The following SERPINB7 variants were observed in gnomAD, a reference collection of about 807,000 sequenced individuals.
SERPINB7 encodes serpin family B member 7.
A neutral mutation model predicts 37.4 loss-of-function variants in SERPINB7; 31 were observed. That is an observed-to-expected ratio of 0.83 (90% CI 0.62 to 1.12). The LOEUF (loss-of-function observed/expected upper bound fraction) is 1.12, where lower values mean the gene tolerates loss of function less well. SERPINB7 is among the 50% of genes most tolerant of loss of function. The pLI is 0.00. For synonymous variants in SERPINB7, 163 were observed against 166.1 expected (o/e 0.98, Z 0.14); for missense variants, 521 against 455.3 (o/e 1.14, Z -1.31).
chr18:63,798,747 G>T lies in SERPINB7; in HGVS notation c.597+1G>T, dbSNP rs2049516278. ...AAATTGCCATTTCAAATCTCCCAAG[G>T]TATGTCGTCAATCTCCTATTTAATT... On this transcript the variant is annotated splice_donor_variant, in intron 6 of 7. Coordinates refer to ENST00000398019, the MANE Select transcript of SERPINB7 (RefSeq NM_003784.4). LOFTEE classifies it high-confidence loss of function. 3 of 1,611,520 alleles carry T rather than the reference G, an allele frequency of 1.9e-6. No homozygotes were observed. Among genetic ancestry groups the T allele is most frequent in the Admixed American group, 1.7e-5 (1 of 59,486 alleles).
chr18:63,800,782 C>G, intron 6 of SERPINB7, 84 bp from the exon 7 acceptor site: 2 of 1,466,600 alleles, frequency 1.4e-6, no homozygotes, highest in Non-Finnish European at 1.8e-6. Flanking sequence ...ATTTATTGAC[C>G]AAGTACAATA....
intron 3 of SERPINB7, 62 bp downstream of exon 3, chr18:63,792,505 G>C: frequency 9.0e-7 from 1 of 1,117,068 alleles, no homozygotes. Context: ...GCTCAAGCCT[G>C]TAATACCAGA....
intron 1 of SERPINB7, among the ~76,000 whole-genome samples, chr18:63,760,645 C>G (rs527488512): frequency 1.3e-5 from 2 of 152,138 alleles, no homozygotes; most frequent in Non-Finnish European, 2.9e-5. Context: ...GCCCAGGGTC[C>G]TCGTATTGTG....
At chr18:63,783,232 GAGAAAGAAAGAAAGAAAGAA>G (rs761812129) in intron 2 of SERPINB7, among the ~76,000 whole-genome samples, 38 of 40,732 alleles carry the variant, frequency 9.3e-4, no homozygotes, top group Non-Finnish European at 1.1e-3. Flanking sequence ...GAGAGAGAGA[GAGAAAGAAAGAAAGAAAGAA>G]AGAAAGAAAG....
chr18:63,760,767 A>G (rs963494335), intron 1 of SERPINB7, among the ~76,000 whole-genome samples: 1 of 152,228 alleles, frequency 6.6e-6, no homozygotes, highest in African/African-American at 2.4e-5. Context: ...AAGCCTTGGC[A>G]GCTTCCATGT....
In SERPINB7 at chr18:63,804,710, A is replaced by G; in HGVS notation, c.*75A>G. 1 of 1,422,542 alleles carries G rather than the reference A, an allele frequency of 7.0e-7. No individual in the cohort carries two copies. The highest frequency in any genetic ancestry group is 9.5e-7 in the Non-Finnish European group (1 of 1,055,352). The allele number at this position is 1,422,542 out of a possible 1,614,324, so 88.1% of individuals were successfully genotyped here. A position where few individuals can be genotyped will look rare whatever the true frequency, so the allele number is the denominator to read the frequency against. On this transcript the variant is annotated 3_prime_UTR_variant, in exon 8 of 8. Coordinates refer to ENST00000398019, the MANE Select transcript of SERPINB7 (RefSeq NM_003784.4). ...CCACAAGTCAATAGATTTGAGTTTA[A>G]TTGGAAAAATGTGGTGTTTCCTTTG...
In SERPINB7 at chr18:63,758,476, T is replaced by C. The variant is rs563276351; in HGVS notation, c.-19+5356T>C. On this transcript the variant is annotated intron_variant, in intron 1 of 7. Transcript: ENST00000336429. Reference sequence around the variant, plus strand: ...GATGCTCTCTGATTCGCTGAAGCACTGGGAAATCTACCCACGTGTAGAAAC... The same window carrying C: ...GATGCTCTCTGATTCGCTGAAGCACCGGGAAATCTACCCACGTGTAGAAAC... Among the ~76,000 whole-genome samples, 7 of 152,318 alleles carry C rather than the reference T, an allele frequency of 4.6e-5. No homozygotes were observed. The East Asian group carries it at 1.3e-3, about 29-fold the overall frequency.
upstream of SERPINB7, among the ~76,000 whole-genome samples, chr18:63,770,471 C>T (rs8094082): frequency 0.031 from 4,751 of 151,836 alleles, 132 homozygotes; most frequent in African/African-American, 0.066. Flanking sequence ...GTGGAGTGTG[C>T]TTTTCATATC....
chr18:63,784,430 T>C (rs1226888092), intron 2 of SERPINB7, among the ~76,000 whole-genome samples: 1 of 152,212 alleles, frequency 6.6e-6, no homozygotes, highest in Non-Finnish European at 1.5e-5. Context: ...CAGTCTCCAG[T>C]TGAGAACTGC....
At chr18:63,795,589 A>G (rs955325484) in intron 4 of SERPINB7, among the ~76,000 whole-genome samples, 2 of 151,420 alleles carry the variant, frequency 1.3e-5, no homozygotes, top group African/African-American at 4.9e-5. Flanking sequence ...AAAAAAAAAA[A>G]AAAGAAAAGA....
intron 5 of SERPINB7, among the ~76,000 whole-genome samples, chr18:63,796,893 A>T (rs2049494346): frequency 6.6e-6 from 1 of 152,168 alleles, no homozygotes; most frequent in Non-Finnish European, 1.5e-5. Context: ...AAGCTATAAC[A>T]TTCTACTGTC....
intron 4 of SERPINB7, among the ~76,000 whole-genome samples, chr18:63,794,465 C>G (rs531693897): frequency 2.6e-5 from 4 of 151,776 alleles, no homozygotes; most frequent in Non-Finnish European, 4.4e-5. Flanking sequence ...CCGAGGCGGG[C>G]GGATCACAAG....
chr18:63,771,999 T>A, upstream of SERPINB7, among the ~76,000 whole-genome samples: 1 of 151,848 alleles, frequency 6.6e-6, no homozygotes, highest in East Asian at 1.9e-4. Flanking sequence ...CAGGAATACA[T>A]GTGCAGGTTT....
chr18:63,793,304 G>C, intron 4 of SERPINB7, 27 bp downstream of exon 4: 2 of 1,180,166 alleles, frequency 1.7e-6, no homozygotes, highest in Non-Finnish European at 1.2e-6. Context: ...TTGTTAGAAG[G>C]ACCTGAATCT....
At chr18:63,780,432 A>G (rs1430868146) in intron 1 of SERPINB7, among the ~76,000 whole-genome samples, 1 of 152,176 alleles carries the variant, frequency 6.6e-6, no homozygotes, top group Admixed American at 6.5e-5. Flanking sequence ...TGAATCCCTT[A>G]AACATTTGAG....
intron 6 of SERPINB7, among the ~76,000 whole-genome samples, chr18:63,799,305 T>A (rs1193803273): frequency 6.6e-6 from 1 of 152,234 alleles, no homozygotes; most frequent in East Asian, 1.9e-4. Context: ...AATCAATTTG[T>A]ACACAGTAAT....
chr18:63,777,256 T>C (rs1027026206), intron 1 of SERPINB7, among the ~76,000 whole-genome samples: 16 of 151,998 alleles, frequency 1.1e-4, no homozygotes, highest in Non-Finnish European at 1.2e-4. Context: ...GAATTTTTAT[T>C]TTATGGATGA....
At chr18:63,766,282 A>G (rs2049180266) in intron 1 of SERPINB7, among the ~76,000 whole-genome samples, 2 of 152,174 alleles carry the variant, frequency 1.3e-5, no homozygotes, top group South Asian at 2.1e-4. Flanking sequence ...TTTTCTTTCA[A>G]CTAAACAAAA....
intron 6 of SERPINB7, among the ~76,000 whole-genome samples, chr18:63,800,327 G>A (rs994033164): frequency 1.3e-5 from 2 of 151,994 alleles, no homozygotes; most frequent in Admixed American, 1.3e-4. Context: ...CTCCCAAAGT[G>A]CTGGGATTAC....
Sources: allele counts gnomAD v4.1 joint callset (sites outside exome capture counted in the v4.1 genomes callset), GRCh38; gene constraint gnomAD v4.1.1; transcripts MANE v1.5; gene names NCBI Gene and HGNC (gene_info 2026-07-23, HGNC 2026-07-21).